The following WWTR1 variants were observed in gnomAD, a reference collection of about 807,000 sequenced individuals.
WWTR1 encodes WW domain containing transcription regulator 1.
Under a neutral mutation model 40.1 loss-of-function variants are expected in WWTR1, and 13 were observed. The observed-to-expected ratio is 0.32, with a 90% CI of 0.21 to 0.52. WWTR1 has a LOEUF of 0.52. WWTR1 is among the 20% of genes least tolerant of loss of function. The probability of loss-of-function intolerance (pLI) is 0.97; values close to 1 mark genes in which losing one functional copy is unlikely to be tolerated. For synonymous variants in WWTR1, 230 were observed against 210.1 expected (o/e 1.09, Z -0.82); for missense variants, 436 against 523.1 (o/e 0.83, Z 1.63).
intron 2 of WWTR1, among the ~76,000 whole-genome samples, chr3:149,585,020 A>G (rs1239400779): frequency 1.3e-5 from 2 of 152,212 alleles, no homozygotes; most frequent in African/African-American, 4.8e-5. Context: ...AAAGAAAAAA[A>G]ATCAATAAAC....
chr3:149,660,637 A>G (rs1475367342), upstream of WWTR1, among the ~76,000 whole-genome samples: 5 of 152,244 alleles, frequency 3.3e-5, no homozygotes, highest in Non-Finnish European at 4.4e-5. Flanking sequence ...AGCACAGTGG[A>G]TAAGTGTATA....
At chr3:149,690,674 C>T (rs1261275847) in intron 1 of WWTR1, among the ~76,000 whole-genome samples, 1 of 152,160 alleles carries the variant, frequency 6.6e-6, no homozygotes, top group Non-Finnish European at 1.5e-5. Context: ...TAGCTAGAGA[C>T]TTTAGCACCC....
chr3:149,657,384 G>A, intron 1 of WWTR1, 75 bp from the exon 2 acceptor site: 1 of 1,451,126 alleles, frequency 6.9e-7, no homozygotes, highest in Non-Finnish European at 9.2e-7. Flanking sequence ...GGGTGAGAGG[G>A]CGAGATGGTG....
chr3:149,637,209 T>C (rs929323630), intron 2 of WWTR1, among the ~76,000 whole-genome samples: 2 of 147,606 alleles, frequency 1.4e-5, no homozygotes, highest in Admixed American at 1.4e-4. Flanking sequence ...ATTTTGATTA[T>C]TTTAACAGCA....
At chr3:149,643,304 T>G (rs1314833337) in intron 2 of WWTR1, among the ~76,000 whole-genome samples, 2 of 152,196 alleles carry the variant, frequency 1.3e-5, no homozygotes, top group Middle Eastern at 3.2e-3. Flanking sequence ...TTACTGATAC[T>G]CTCCAAACAT....
chr3:149,520,766 T>C lies in WWTR1; in HGVS notation c.*39A>G. The C allele has an allele frequency of 6.8e-7, 1 of 1,476,802 alleles. No individual in the cohort carries two copies. Among genetic ancestry groups the C allele is most frequent in the Non-Finnish European group, 9.0e-7 (1 of 1,114,174 alleles). 91.5% of individuals were successfully genotyped at this position (1,476,802 alleles called of 1,614,324 possible). On this transcript the variant is annotated 3_prime_UTR_variant, in exon 7 of 7. Coordinates refer to ENST00000360632, the MANE Select transcript of WWTR1 (RefSeq NM_015472.6). ...CACTTTTTCCAAGAGGCCCAGGAAA[T>C]GTAAGGTCATGGCTACATCCAAGTT...
chr3:149,720,905 G>GT (rs1426192868), intron 4 of WWTR1, among the ~76,000 whole-genome samples: 1 of 151,960 alleles, frequency 6.6e-6, no homozygotes, highest in Non-Finnish European at 1.5e-5. Context: ...GTTTTCTTAA[G>GT]TTTTTTCAGA....
At chr3:149,671,752 T>A (rs1327861289) in intron 1 of WWTR1, among the ~76,000 whole-genome samples, 1 of 152,196 alleles carries the variant, frequency 6.6e-6, no homozygotes, top group Non-Finnish European at 1.5e-5. Flanking sequence ...TTTATTCTAC[T>A]TCTACATATT....
chr3:149,609,234 C>T (rs1216933454), intron 2 of WWTR1, among the ~76,000 whole-genome samples: 1 of 152,162 alleles, frequency 6.6e-6, no homozygotes, highest in Non-Finnish European at 1.5e-5. Flanking sequence ...CTCCTCAAAG[C>T]CATCCAACTC....
chr3:149,652,041 C>T (rs1278068076), intron 2 of WWTR1, among the ~76,000 whole-genome samples: 36 of 112,236 alleles, frequency 3.2e-4, no homozygotes, highest in Non-Finnish European at 5.2e-4. Context: ...GACGGGGTTT[C>T]ACGGTGTTAG....
At chr3:149,592,123 C>T (rs1028182581) in intron 2 of WWTR1, among the ~76,000 whole-genome samples, 1 of 152,162 alleles carries the variant, frequency 6.6e-6, no homozygotes, top group Admixed American at 6.5e-5. Context: ...CACCCCTGCA[C>T]CCAAAAGGGT....
At chr3:149,710,083 C>G (rs1022269959) in intron 5 of WWTR1, among the ~76,000 whole-genome samples, 1 of 152,046 alleles carries the variant, frequency 6.6e-6, no homozygotes, top group Non-Finnish European at 1.5e-5. Context: ...GCTGATTCTC[C>G]TCACATAAGA....
intron 1 of WWTR1, among the ~76,000 whole-genome samples, chr3:149,681,695 G>A: frequency 6.6e-6 from 1 of 152,160 alleles, no homozygotes. Context: ...TAGATGAATG[G>A]ATAAGAAAAT....
At chr3:149,568,894 G>T (rs1330511509) in intron 3 of WWTR1, among the ~76,000 whole-genome samples, 3 of 152,188 alleles carry the variant, frequency 2.0e-5, no homozygotes, top group Admixed American at 1.3e-4. Flanking sequence ...AGCCTCCCGA[G>T]CAGCTGGGAC....
chr3:149,590,087 C>T (rs1427434454), intron 2 of WWTR1, among the ~76,000 whole-genome samples: 2 of 152,096 alleles, frequency 1.3e-5, no homozygotes, highest in African/African-American at 4.8e-5. Flanking sequence ...ACCATGGGTC[C>T]TGAAAGTCCA....
At chr3:149,574,305 G>T (rs1393783507) in intron 2 of WWTR1, among the ~76,000 whole-genome samples, 2 of 152,114 alleles carry the variant, frequency 1.3e-5, no homozygotes, top group African/African-American at 4.8e-5. Flanking sequence ...CTCCCAAAGT[G>T]CTGGGATTAC....
At position 149,520,375 on chromosome 3, in the gene WWTR1, A is replaced by T. The variant is rs1467868403; in HGVS notation, c.*430T>A. ...ATCAATACAGTTTTTGAAACTGTAA[A>T]TCAGGTCGAATTTTGTGCACATTTC... On this transcript the variant is annotated 3_prime_UTR_variant, in exon 7 of 7. Coordinates refer to ENST00000360632, the MANE Select transcript of WWTR1 (RefSeq NM_015472.6). 6.5e-6 allele frequency: 1 copy of T among 154,046 alleles called. No individual in the cohort carries two copies. The highest frequency in any genetic ancestry group is 1.4e-5 in the Non-Finnish European group (1 of 69,410). The allele number at this position is 154,046 out of a possible 1,614,324, so 9.5% of individuals were successfully genotyped here.
At chr3:149,648,101 A>G (rs952961761) in intron 2 of WWTR1, among the ~76,000 whole-genome samples, 2 of 152,160 alleles carry the variant, frequency 1.3e-5, no homozygotes, top group Admixed American at 6.5e-5. Context: ...TGAAGGTTCC[A>G]TTTATGTCTA....
At chr3:149,604,749 C>T (rs949952065) in intron 2 of WWTR1, among the ~76,000 whole-genome samples, 3 of 152,186 alleles carry the variant, frequency 2.0e-5, no homozygotes, top group Non-Finnish European at 2.9e-5. Context: ...CGGTACTGGC[C>T]CTTCTTCACA....
Sources: allele counts gnomAD v4.1 joint callset (sites outside exome capture counted in the v4.1 genomes callset), GRCh38; gene constraint gnomAD v4.1.1; transcripts MANE v1.5; gene names NCBI Gene and HGNC (gene_info 2026-07-23, HGNC 2026-07-21).